Variants in SI observed in about 807,000 individuals in gnomAD.
SI encodes the protein sucrase-isomaltase, intestinal.
In SI, 235 loss-of-function variants were observed where a neutral mutation model predicts 253.3. That is an observed-to-expected ratio of 0.93 (90% CI 0.83 to 1.03). The LOEUF (loss-of-function observed/expected upper bound fraction) is 1.03, where lower values mean the gene tolerates loss of function less well. Among genes scored for constraint, SI ranks in the 50% least tolerant of loss-of-function variants. The probability of loss-of-function intolerance (pLI) is 0.00; values close to 1 mark genes in which losing one functional copy is unlikely to be tolerated. For missense variants in SI, 2,442 were observed against 2,211.1 expected (o/e 1.10, Z -2.09); for synonymous variants, 819 against 712.0 (o/e 1.15, Z -2.39).
chr3:165,021,324 G>T lies in SI; in HGVS notation c.3159C>A (p.Thr1053=), dbSNP rs959072631. Residue 1053 remains threonine (T), a synonymous_variant, in exon 27 of 48, where the codon ACC becomes ACA. Coordinates refer to ENST00000264382, the MANE Select transcript of SI (RefSeq NM_001041.4). ...EVPVPLNIPT[T]PISTYEDRLY... The stretch of plus-strand genomic sequence containing the variant: ...GTCTGTCTTCATAAGTACTTATTGG[G>T]GTGGTTGGAATGTTTAACGGTACTG... 3.1e-6 allele frequency: 5 copies of T among 1,610,730 alleles called. No individual in the cohort carries two copies. In the East Asian group the frequency reaches 6.7e-5, roughly 22 times the overall value.
intron 25 of SI, 89 bp from the exon 26 acceptor site, chr3:165,023,865 T>C: frequency 1.1e-6 from 1 of 880,260 alleles, no homozygotes; most frequent in Non-Finnish European, 1.9e-6. Flanking sequence ...AGTCACACAT[T>C]GTATGATTTA....
intron 44 of SI, among the ~76,000 whole-genome samples, chr3:164,989,504 G>A (rs917441350): frequency 5.9e-5 from 9 of 151,582 alleles, no homozygotes; most frequent in Non-Finnish European, 1.2e-4. Context: ...AGAAGAGAAA[G>A]AAGAGAAGAG....
intron 13 of SI, among the ~76,000 whole-genome samples, chr3:165,051,117 A>C (rs908961163): frequency 6.6e-6 from 1 of 152,068 alleles, no homozygotes; most frequent in Non-Finnish European, 1.5e-5. Context: ...AGACATACTT[A>C]TTTAGTTTGC....
At chr3:164,995,955 A>G (rs564772043) in intron 40 of SI, among the ~76,000 whole-genome samples, 85 of 151,898 alleles carry the variant, frequency 5.6e-4, no homozygotes, top group Non-Finnish European at 1.1e-3. Flanking sequence ...CTTTCCCAAT[A>G]TTACAGCTTT....
rs1290590255 is a variant in SI, at chr3:165,065,256, C to A, written c.807+5G>T. On this transcript the variant is annotated splice_donor_5th_base_variant and intron_variant, in intron 7 of 47. Transcript: ENST00000264382. ...TTATTTATAACAAGAAAAATAATTT[C>A]TTACATCACCAGGAAGTTGGTCTCG... The A allele has an allele frequency of 1.3e-6, 2 of 1,575,242 alleles. No individual in the cohort carries two copies. The highest frequency in any genetic ancestry group is 2.3e-5 in the East Asian group (1 of 43,944).
chr3:165,013,877 C>T (rs1489499708), intron 33 of SI, among the ~76,000 whole-genome samples: 1 of 151,992 alleles, frequency 6.6e-6, no homozygotes, highest in Non-Finnish European at 1.5e-5. Flanking sequence ...CAGGCATGCA[C>T]CACCATGCCT....
intron 7 of SI, among the ~76,000 whole-genome samples, 168 bp downstream of exon 7, chr3:165,065,093 G>A (rs1714170415): frequency 6.6e-6 from 1 of 151,938 alleles, no homozygotes; most frequent in African/African-American, 2.4e-5. Flanking sequence ...AGTCAATTTA[G>A]AACCTATCAA....
rs914296655 is a variant in SI at position 165,074,748 on chromosome 3, T to C, written c.119-81A>G. ...GAATTATCAAGTAATAAGTACTTTT[T>C]GAAAGAATACATGAATTCATATAAA... On this transcript the variant is annotated intron_variant, in intron 2 of 47. Coordinates refer to ENST00000264382, the MANE Select transcript of SI (RefSeq NM_001041.4). The C allele has an allele frequency of 3.4e-6, 4 of 1,168,600 alleles. No individual in the cohort carries two copies. In the African/African-American group the frequency reaches 6.1e-5, roughly 18 times the overall value. 72.4% of individuals were successfully genotyped at this position (1,168,600 alleles called of 1,614,324 possible).
In SI at chr3:165,055,197, C is replaced by A. The variant is rs775553090; in HGVS notation, c.1509G>T (p.Trp503Cys). ...FHQEVQYDGL[W>C]IDMNEVSSFI... Reference sequence around the variant, plus strand: ...TTGGTTTAAAATAGCTACTTACAATCCAAAGTCCATCATATTGCACTTCTT... The same window carrying A: ...TTGGTTTAAAATAGCTACTTACAATACAAAGTCCATCATATTGCACTTCTT... Residue 503 changes from tryptophan (W) to cysteine (C), a missense_variant, in exon 13 of 48, where the codon TGG becomes TGT. By Grantham distance (215) the Trp-to-Cys change is radical. Coordinates refer to ENST00000264382, the MANE Select transcript of SI (RefSeq NM_001041.4). The A allele has an allele frequency of 2.5e-6, 4 of 1,583,238 alleles. No individual in the cohort carries two copies. The highest frequency in any genetic ancestry group is 2.6e-6 in the Non-Finnish European group (3 of 1,152,566).
rs1345907078 is a variant in SI at position 165,061,273 on chromosome 3, C to T, written c.1020+1098G>A. Among the ~76,000 whole-genome samples, 3 of 151,970 alleles carry T rather than the reference C, an allele frequency of 2.0e-5. No individual in the cohort carries two copies. In the East Asian group the frequency reaches 5.8e-4, roughly 29 times the overall value. The stretch of plus-strand genomic sequence containing the variant: ...ACTTAACATGTGGGAGATAGCTATG[C>T]CAACTTATGTTTGACAATTGGAATA... On this transcript the variant is annotated intron_variant, in intron 9 of 47. Coordinates refer to ENST00000264382, the MANE Select transcript of SI (RefSeq NM_001041.4).
At chr3:165,056,545 C>T (rs549599807) in intron 12 of SI, among the ~76,000 whole-genome samples, 65 of 152,214 alleles carry the variant, frequency 4.3e-4, no homozygotes, top group African/African-American at 1.4e-3. Flanking sequence ...ATACACCACC[C>T]CTCTCACATT....
At chr3:165,052,157 A>G (rs1201093161) in intron 13 of SI, among the ~76,000 whole-genome samples, 2 of 152,156 alleles carry the variant, frequency 1.3e-5, no homozygotes, top group African/African-American at 4.8e-5. Flanking sequence ...GAATTTATCT[A>G]TTGTAGTGTT....
At position 164,982,396 on chromosome 3, in the gene SI, G is replaced by T. The variant is rs780844881; in HGVS notation, c.5262C>A (p.Ser1754Arg). 1 of 1,610,116 alleles carries T rather than the reference G, an allele frequency of 6.2e-7. No homozygotes were observed. Among genetic ancestry groups the T allele is most frequent in the Non-Finnish European group, 8.5e-7 (1 of 1,177,162 alleles). ...TTATGTAACCTCTCTTCAATATAGT[G>T]CTTGTTAAGGTGGTCTATAAATAAA... ...QFNLNQTTLT[S>R]TILKRGYINK... The change falls in exon 47 of 48, where the codon AGC (serine) becomes AGA (arginine). Residue 1754 changes from serine to arginine, a missense_variant. Physicochemically the swap from Ser to Arg is moderately radical, Grantham distance 110. Coordinates refer to ENST00000264382, the MANE Select transcript of SI (RefSeq NM_001041.4).
chr3:165,026,969 G>GA (rs1466826817), intron 25 of SI, among the ~76,000 whole-genome samples: 1 of 151,292 alleles, frequency 6.6e-6, no homozygotes, highest in East Asian at 1.9e-4. Context: ...AAATAACCAA[G>GA]ATTGGAGCAT....
chr3:165,019,736 C>A lies in SI; in HGVS notation c.3289G>T (p.Asp1097Tyr). 6.2e-7 allele frequency: 1 copy of A among 1,612,504 alleles called. No individual in the cohort carries two copies. Among genetic ancestry groups the A allele is most frequent in the South Asian group, 1.1e-5 (1 of 91,040 alleles). The change falls in exon 28 of 48, where the codon GAC (aspartate) becomes TAC (tyrosine). Residue 1097 changes from aspartate (D) to tyrosine (Y), a missense_variant. Coordinates refer to ENST00000264382, the MANE Select transcript of SI (RefSeq NM_001041.4). ...DSWLPGFAFNDQFIQISTRLP... is the reference protein window; with the variant it reads ...DSWLPGFAFNYQFIQISTRLP... ...CGAGTCGATATTTGAATGAACTGGT[C>A]ATTAAAAGCAAATCCAGGCAGCCAA... is the stretch of plus-strand genomic sequence containing the variant.
intron 25 of SI, among the ~76,000 whole-genome samples, chr3:165,027,829 C>T (rs143364519): frequency 7.4e-4 from 112 of 151,520 alleles, no homozygotes; most frequent in African/African-American, 2.4e-3. Flanking sequence ...CCACAGCCAA[C>T]GTAATACTGA....
chr3:165,057,618 G>C (rs989037858), intron 12 of SI, among the ~76,000 whole-genome samples: 1 of 151,468 alleles, frequency 6.6e-6, no homozygotes, highest in African/African-American at 2.4e-5. Context: ...ATACAAAGGA[G>C]CTCCAATATA....
intron 15 of SI, among the ~76,000 whole-genome samples, chr3:165,047,489 A>G (rs1713187361): frequency 6.6e-6 from 1 of 152,202 alleles, no homozygotes; most frequent in South Asian, 2.1e-4. Flanking sequence ...CATAATATTT[A>G]TAATAATTAT....
intron 19 of SI, 96 bp from the exon 20 acceptor site, chr3:165,039,230 A>C (rs925087881): frequency 1.3e-6 from 1 of 784,280 alleles, no homozygotes; most frequent in Non-Finnish European, 2.2e-6. Context: ...AGGGAAAAAA[A>C]CTTTATGTTG....
Sources: allele counts gnomAD v4.1 joint callset (sites outside exome capture counted in the v4.1 genomes callset), GRCh38; gene constraint gnomAD v4.1.1; transcripts MANE v1.5; gene names NCBI Gene and HGNC (gene_info 2026-07-23, HGNC 2026-07-21).